CSGALNACT1: variants seen among roughly 807,000 people sequenced by gnomAD.
CSGALNACT1 encodes chondroitin sulfate N-acetylgalactosaminyltransferase 1, also known as beta4GalNAcT-1.
CSGALNACT1 carries 52 observed loss-of-function variants against 51.0 expected under a neutral mutation model. The observed-to-expected ratio is 1.02, with a 90% CI of 0.82 to 1.29. CSGALNACT1 has a LOEUF of 1.29. CSGALNACT1 is among the 50% of genes most tolerant of loss of function. The pLI is 0.00. For synonymous variants in CSGALNACT1, 341 were observed against 254.4 expected (o/e 1.34, Z -3.24); for missense variants, 935 against 679.2 (o/e 1.38, Z -4.19).
Position 19,594,210 on chromosome 8 carries a change from C to T in CSGALNACT1, c.-415-2932G>A, listed in dbSNP as rs559419252. ...CTAGAGAACATCAGTATTTAAGGCA[C>T]GGAAAAGGAGATTATGAAGAAACAG... On this transcript the variant is annotated intron_variant, in intron 2 of 9. Transcript: ENST00000454498. 6.6e-5 allele frequency among the ~76,000 whole-genome samples: 10 copies of T among 151,976 alleles called. No homozygotes were observed. In the South Asian group the frequency reaches 1.2e-3, roughly 19 times the overall value.
intron 4 of CSGALNACT1, among the ~76,000 whole-genome samples, chr8:19,460,969 C>A (rs1003379602): frequency 1.3e-5 from 2 of 152,112 alleles, no homozygotes; most frequent in Non-Finnish European, 1.5e-5. Context: ...GTCCTCACAG[C>A]CCCACCTGAA....
At chr8:19,464,663 T>G (rs566656053) in intron 4 of CSGALNACT1, among the ~76,000 whole-genome samples, 15 of 152,282 alleles carry the variant, frequency 9.9e-5, no homozygotes, top group African/African-American at 3.6e-4. Context: ...AATTACATTC[T>G]TAACACCCTA....
At chr8:19,751,971 T>G (rs1397321650) in intron 1 of CSGALNACT1, among the ~76,000 whole-genome samples, 1 of 151,348 alleles carries the variant, frequency 6.6e-6, no homozygotes, top group African/African-American at 2.4e-5. Context: ...GACTAATACA[T>G]GTGTATATTT....
At chr8:19,553,512 C>T (rs1468449646) in intron 3 of CSGALNACT1, among the ~76,000 whole-genome samples, 1 of 150,948 alleles carries the variant, frequency 6.6e-6, no homozygotes, top group Non-Finnish European at 1.5e-5. Flanking sequence ...AAAACAAAGC[C>T]TGCCAGTCAA....
intron 5 of CSGALNACT1, among the ~76,000 whole-genome samples, chr8:19,450,233 G>A (rs1282988605): frequency 1.2e-5 from 1 of 80,230 alleles, no homozygotes; most frequent in Non-Finnish European, 2.4e-5. Flanking sequence ...GAGGGGGAGG[G>A]GGCAGGGAGG....
At chr8:19,571,800 C>G (rs994207424) in intron 3 of CSGALNACT1, among the ~76,000 whole-genome samples, 1 of 152,170 alleles carries the variant, frequency 6.6e-6, no homozygotes, top group African/African-American at 2.4e-5. Context: ...GAACAGAAAC[C>G]TCTGCCCTCT....
At chr8:19,729,755 CT>C (rs1413456646) in intron 1 of CSGALNACT1, among the ~76,000 whole-genome samples, 62 of 152,212 alleles carry the variant, frequency 4.1e-4, no homozygotes, top group Non-Finnish European at 7.4e-4. Context: ...CATTTATCCT[CT>C]GCTTTGACCA....
In CSGALNACT1 at chr8:19,610,824, T is replaced by A. The variant is rs2052146011; in HGVS notation, c.-543-8959A>T. ...AAACCGGGATACGGAAAGCCCTCTG[T>A]CCTTGAGACAAGGTGGAGGATCTAA... On this transcript the variant is annotated intron_variant, in intron 1 of 9. Coordinates refer to the CSGALNACT1 transcript ENST00000332246. Among the ~76,000 whole-genome samples the A allele has an allele frequency of 2.0e-5, 3 of 152,240 alleles. No homozygotes were observed. In the South Asian group the frequency reaches 6.2e-4, roughly 32 times the overall value.
At chr8:19,501,167 C>T (rs2076348379) in intron 4 of CSGALNACT1, among the ~76,000 whole-genome samples, 1 of 151,536 alleles carries the variant, frequency 6.6e-6, no homozygotes, top group African/African-American at 2.4e-5. Context: ...GGAGAATCCC[C>T]CGAAACTGGG....
chr8:19,666,509 C>G (rs1651605186), intron 1 of CSGALNACT1, among the ~76,000 whole-genome samples: 5 of 151,750 alleles, frequency 3.3e-5, no homozygotes, highest in Admixed American at 2.6e-4. Context: ...GCCTGGCCAT[C>G]ATGATGAAAC....
intron 4 of CSGALNACT1, among the ~76,000 whole-genome samples, chr8:19,460,065 C>T (rs553306061): frequency 2.0e-5 from 3 of 152,298 alleles, no homozygotes; most frequent in South Asian, 2.1e-4. Flanking sequence ...TCCACTGTCT[C>T]TGGTATTATG....
intron 4 of CSGALNACT1, among the ~76,000 whole-genome samples, chr8:19,488,385 A>ATATG (rs2073555715): frequency 3.2e-5 from 1 of 30,856 alleles, no homozygotes; most frequent in Admixed American, 2.2e-4. Context: ...ATATATATAT[A>ATATG]TATATATATA....
intron 1 of CSGALNACT1, among the ~76,000 whole-genome samples, chr8:19,734,903 A>G (rs1340326385): frequency 6.6e-6 from 1 of 152,126 alleles, no homozygotes; most frequent in African/African-American, 2.4e-5. Context: ...TGCACGGTTG[A>G]GATGATGGGT....
At chr8:19,409,786 G>A (rs1238862662) in intron 8 of CSGALNACT1, among the ~76,000 whole-genome samples, 1 of 152,122 alleles carries the variant, frequency 6.6e-6, no homozygotes, top group African/African-American at 2.4e-5. Context: ...TGAGAGGGGA[G>A]AAGCATCAGA....
chr8:19,692,754 C>T (rs1321134386), intron 1 of CSGALNACT1, among the ~76,000 whole-genome samples: 1 of 152,090 alleles, frequency 6.6e-6, no homozygotes, highest in Non-Finnish European at 1.5e-5. Context: ...GAGCTCTGGT[C>T]AAAAGTCTAG....
chr8:19,576,158 T>A (rs1453465776), intron 3 of CSGALNACT1, among the ~76,000 whole-genome samples: 1 of 152,082 alleles, frequency 6.6e-6, no homozygotes, highest in Non-Finnish European at 1.5e-5. Context: ...CCCTCAGTAG[T>A]GAGCAGTCAT....
chr8:19,430,727 CA>C (rs1257753815), intron 6 of CSGALNACT1, among the ~76,000 whole-genome samples: 1 of 152,120 alleles, frequency 6.6e-6, no homozygotes, highest in Non-Finnish European at 1.5e-5. Flanking sequence ...TCCATATCTA[CA>C]AGAAAGTCAT....
At chr8:19,674,961 A>G (rs990065849) in intron 1 of CSGALNACT1, among the ~76,000 whole-genome samples, 2 of 152,190 alleles carry the variant, frequency 1.3e-5, no homozygotes, top group African/African-American at 4.8e-5. Context: ...GTCGGGGAAG[A>G]CCAAGGCAGG....
At chr8:19,567,740 T>A (rs2042181463) in intron 3 of CSGALNACT1, among the ~76,000 whole-genome samples, 1 of 151,962 alleles carries the variant, frequency 6.6e-6, no homozygotes, top group Admixed American at 6.6e-5. Context: ...ATAGGAAAAA[T>A]CCAAAATCCA....
Sources: gnomAD v4.1 joint callset for allele counts (sites outside exome capture counted in the v4.1 genomes callset) on GRCh38, gnomAD v4.1.1 for gene constraint, MANE v1.5 for transcripts, NCBI Gene and HGNC (gene_info 2026-07-23, HGNC 2026-07-21) for gene names.